The following MAD1L1 variants were observed in gnomAD, a reference collection of about 807,000 sequenced individuals.
The protein encoded by MAD1L1 is mitotic spindle assembly checkpoint protein MAD1.
Under a neutral mutation model 96.9 loss-of-function variants are expected in MAD1L1, and 95 were observed. That is an observed-to-expected ratio of 0.98 (90% confidence interval 0.83 to 1.16). The LOEUF (loss-of-function observed/expected upper bound fraction) is 1.16, where lower values mean the gene tolerates loss of function less well. Among genes scored for constraint, MAD1L1 ranks in the 50% most tolerant of loss-of-function variants. MAD1L1 has a pLI of 0.00. For synonymous variants in MAD1L1, 473 were observed against 396.6 expected, an observed-to-expected ratio of 1.19 and a Z score of -2.29; for missense variants, 1,007 against 954.4, an observed-to-expected ratio of 1.06 and a Z score of -0.73.
chr7:2,202,557 G>A (rs1792369507), intron 10 of MAD1L1, among the ~76,000 whole-genome samples: 2 of 152,196 alleles, frequency 1.3e-5, no homozygotes, highest in Non-Finnish European at 2.9e-5. Flanking sequence ...CGAGGCATCC[G>A]GCATGCAGGC....
intron 10 of MAD1L1, among the ~76,000 whole-genome samples, chr7:2,159,321 T>G (rs1175779982): frequency 6.6e-6 from 1 of 152,178 alleles, no homozygotes; most frequent in Non-Finnish European, 1.5e-5. Flanking sequence ...GGGAGCCACA[T>G]TCCCACCTCA....
intron 15 of MAD1L1, among the ~76,000 whole-genome samples, chr7:1,973,110 A>C (rs2128480578): frequency 6.6e-6 from 1 of 152,342 alleles, no homozygotes; most frequent in African/African-American, 2.4e-5. Flanking sequence ...TGCAGAGGCA[A>C]GAGTCCTCTG....
At chr7:2,228,926 G>C (rs1336631043) in intron 3 of MAD1L1, among the ~76,000 whole-genome samples, 1 of 151,734 alleles carries the variant, frequency 6.6e-6, no homozygotes, top group African/African-American at 2.4e-5. Flanking sequence ...GTAGAGACAG[G>C]GTTTCACCGT....
At chr7:2,150,677 A>C (rs1789528903) in intron 10 of MAD1L1, among the ~76,000 whole-genome samples, 1 of 152,180 alleles carries the variant, frequency 6.6e-6, no homozygotes, top group Non-Finnish European at 1.5e-5. Flanking sequence ...CACTGGAACA[A>C]AGCTACCAAG....
At position 2,072,100 on chromosome 7, in the gene MAD1L1, C is replaced by T. The variant is rs76165059; in HGVS notation, c.1074-2762G>A. Among the ~76,000 whole-genome samples, 50 of 152,328 alleles carry T rather than the reference C, an allele frequency of 3.3e-4. 1 individual carries two copies. The highest frequency in any genetic ancestry group is 2.7e-3 in the East Asian group (14 of 5,188). ...GTAGGAACCCCAGTTTACAGCTGGC[C>T]GGTCAGAAGCACACCTGCGGCTCGC... is the stretch of plus-strand genomic sequence containing the variant. On this transcript the variant is annotated intron_variant, in intron 11 of 18. Coordinates refer to ENST00000265854, the MANE Select transcript of MAD1L1 (RefSeq NM_001013836.2).
chr7:1,887,211 G>A (rs1786093639), intron 18 of MAD1L1, among the ~76,000 whole-genome samples: 1 of 152,262 alleles, frequency 6.6e-6, no homozygotes, highest in Non-Finnish European at 1.5e-5. Flanking sequence ...GGCCAACTGT[G>A]AGCATGTGTG....
At chr7:1,937,281 C>T (rs558667472) in intron 16 of MAD1L1, among the ~76,000 whole-genome samples, 6 of 152,240 alleles carry the variant, frequency 3.9e-5, no homozygotes, top group East Asian at 1.9e-4. Context: ...ACTGGGAGCC[C>T]GTGTGGCCAT....
chr7:1,861,337 G>A (rs757904931), intron 18 of MAD1L1, among the ~76,000 whole-genome samples: 17 of 152,234 alleles, frequency 1.1e-4, no homozygotes, highest in African/African-American at 3.6e-4. Flanking sequence ...CAGTGACAAC[G>A]GGGCTGAGGT....
chr7:1,910,701 G>T (rs6947019), intron 17 of MAD1L1, among the ~76,000 whole-genome samples: 2,053 of 152,292 alleles, frequency 0.013, 54 homozygotes, highest in African/African-American at 0.047. Flanking sequence ...CCTGGAACAC[G>T]TTCGTCAGGT....
At chr7:2,217,455 G>A (rs1281628973) in intron 7 of MAD1L1, among the ~76,000 whole-genome samples, 2 of 152,228 alleles carry the variant, frequency 1.3e-5, no homozygotes, top group Admixed American at 6.5e-5. Flanking sequence ...AAGCCTGGAG[G>A]TGAGGGTGCA....
At chr7:2,029,967 G>A (rs1428896329) in intron 12 of MAD1L1, among the ~76,000 whole-genome samples, 3 of 152,192 alleles carry the variant, frequency 2.0e-5, no homozygotes, top group Admixed American at 6.5e-5. Flanking sequence ...GCCCAGACAC[G>A]AGTGCCAGGA....
intron 12 of MAD1L1, among the ~76,000 whole-genome samples, chr7:2,057,608 T>A (rs185104583): frequency 6.6e-6 from 1 of 152,188 alleles, no homozygotes; most frequent in East Asian, 1.9e-4. Flanking sequence ...CAATCCCTTT[T>A]CAGCTGGCCA....
intron 16 of MAD1L1, among the ~76,000 whole-genome samples, chr7:1,948,724 A>G (rs987445070): frequency 6.6e-6 from 1 of 152,054 alleles, no homozygotes; most frequent in Non-Finnish European, 1.5e-5. Context: ...ACGGCATGTG[A>G]GAGTCTCCAC....
chr7:2,007,878 G>C (rs1198542456), intron 13 of MAD1L1, among the ~76,000 whole-genome samples: 1 of 152,226 alleles, frequency 6.6e-6, no homozygotes, highest in Non-Finnish European at 1.5e-5. Context: ...TCAGGATAGA[G>C]AATTATTTTG....
intron 18 of MAD1L1, among the ~76,000 whole-genome samples, chr7:1,887,209 G>A (rs1470206237): frequency 2.0e-5 from 3 of 152,262 alleles, no homozygotes; most frequent in East Asian, 1.9e-4. Flanking sequence ...GAGGCCAACT[G>A]TGAGCATGTG....
chr7:2,176,219 A>G (rs907880358), intron 10 of MAD1L1, among the ~76,000 whole-genome samples: 7 of 152,312 alleles, frequency 4.6e-5, no homozygotes, highest in African/African-American at 1.7e-4. Context: ...ATGGTGGCAC[A>G]TGCCTGTAAT....
chr7:2,125,290 G>A (rs1329700902), intron 11 of MAD1L1, among the ~76,000 whole-genome samples: 1 of 152,142 alleles, frequency 6.6e-6, no homozygotes, highest in East Asian at 1.9e-4. Flanking sequence ...GGGTGGGGGT[G>A]GTGCCCCTTC....
At chr7:1,895,902 G>A (rs1786836478) in intron 18 of MAD1L1, among the ~76,000 whole-genome samples, 1 of 152,268 alleles carries the variant, frequency 6.6e-6, no homozygotes, top group Admixed American at 6.5e-5. Flanking sequence ...AGCAAGGGCT[G>A]GAGGATGGGC....
intron 18 of MAD1L1, among the ~76,000 whole-genome samples, chr7:1,864,653 C>G (rs928912433): frequency 2.6e-5 from 4 of 152,212 alleles, no homozygotes; most frequent in Non-Finnish European, 2.9e-5. Flanking sequence ...TGTCTCCCGA[C>G]CTCACGTGGA....
Sources: allele counts gnomAD v4.1 joint callset (sites outside exome capture counted in the v4.1 genomes callset), GRCh38; gene constraint gnomAD v4.1.1; transcripts MANE v1.5; gene names NCBI Gene and HGNC (gene_info 2026-07-23, HGNC 2026-07-21).